The following DISP1 variants were observed in gnomAD, a reference collection of about 807,000 sequenced individuals.
DISP1 encodes the protein dispatched RND transporter family member 1, also known as protein dispatched homolog 1.
Under a neutral mutation model 37.3 loss-of-function variants are expected in DISP1, and 30 were observed. That is an observed-to-expected ratio of 0.80 (90% confidence interval 0.60 to 1.09). DISP1 has a LOEUF of 1.09. Among genes scored for constraint, DISP1 ranks in the 50% least tolerant of loss-of-function variants. The probability of loss-of-function intolerance (pLI) is 0.00; values close to 1 mark genes in which losing one functional copy is unlikely to be tolerated. For synonymous variants in DISP1, 634 were observed against 690.2 expected, an observed-to-expected ratio of 0.92 and a Z score of 1.28; for missense variants, 1,598 against 1,879.5, an observed-to-expected ratio of 0.85 and a Z score of 2.77.
intron 1 of DISP1, among the ~76,000 whole-genome samples, chr1:222,922,751 G>A (rs959177645): frequency 1.3e-5 from 2 of 152,124 alleles, no homozygotes; most frequent in African/African-American, 2.4e-5. Flanking sequence ...AATATAGGCA[G>A]GAGACATAAA....
At chr1:222,970,837 G>T (rs1676887856) in intron 3 of DISP1, among the ~76,000 whole-genome samples, 1 of 151,256 alleles carries the variant, frequency 6.6e-6, no homozygotes, top group Non-Finnish European at 1.5e-5. Flanking sequence ...AATAGATTCT[G>T]GAGTTGCAAA....
chr1:222,940,970 G>A (rs977961373), intron 2 of DISP1, among the ~76,000 whole-genome samples: 6 of 152,142 alleles, frequency 3.9e-5, no homozygotes, highest in Middle Eastern at 3.4e-3. Flanking sequence ...TTTAAAAAAC[G>A]TCCAGTGCTT....
intron 3 of DISP1, among the ~76,000 whole-genome samples, chr1:222,956,232 A>G (rs1302832599): frequency 6.6e-6 from 1 of 152,152 alleles, no homozygotes; most frequent in African/African-American, 2.4e-5. Flanking sequence ...TGACACTGAA[A>G]GTTTCCCTTT....
In DISP1 at chr1:222,913,939, T is replaced by TAA. The variant is rs34772615; in HGVS notation, c.-158-14481_-158-14480dup. ...TCATCTTTTTCAAATACATTCTAAA[T>TAA]AAAAAAAAAAATGGGTAGGATCTGC... On this transcript the variant is annotated intron_variant, in intron 1 of 8. Transcript: ENST00000675850. Among the ~76,000 whole-genome samples the TAA allele has an allele frequency of 2.3e-3, 326 of 143,078 alleles. 4 individuals are homozygous for TAA. The highest frequency in any genetic ancestry group is 3.3e-3 in the Non-Finnish European group (218 of 65,526). 93.9% of individuals were successfully genotyped at this position (143,078 alleles called of 152,430 possible).
At chr1:222,951,107 A>G (rs1410380868) in intron 3 of DISP1, among the ~76,000 whole-genome samples, 1 of 152,174 alleles carries the variant, frequency 6.6e-6, no homozygotes, top group Non-Finnish European at 1.5e-5. Flanking sequence ...GTGACTCACT[A>G]GAGGAATTAG....
intron 3 of DISP1, chr1:222,943,669 A>G: frequency 2.9e-6 from 1 of 349,730 alleles, no homozygotes; most frequent in Non-Finnish European, 5.3e-6. Flanking sequence ...ATTTATGATG[A>G]GACTAAACAG....
At chr1:222,884,637 CA>C (rs747169004) in intron 1 of DISP1, among the ~76,000 whole-genome samples, 149 of 152,266 alleles carry the variant, frequency 9.8e-4, no homozygotes, top group Non-Finnish European at 1.8e-3. Flanking sequence ...TGCATCATAT[CA>C]GGGGTATATG....
intron 1 of DISP1, among the ~76,000 whole-genome samples, chr1:222,878,221 A>G (rs1042719205): frequency 2.6e-5 from 4 of 152,250 alleles, no homozygotes; most frequent in African/African-American, 9.6e-5. Context: ...CAGAGCAATT[A>G]GAGCTAGTAC....
Position 222,992,011 on chromosome 1 carries a change from A to G in DISP1, c.792-2A>G. 1 of 1,610,006 alleles carries G rather than the reference A, an allele frequency of 6.2e-7. No homozygotes were observed. Reference sequence around the variant, plus strand: ...GAAGATCAAATTGTCGTTCCATTTCAGCCATCGGGATGATAGATGGTCAGA... The same window carrying G: ...GAAGATCAAATTGTCGTTCCATTTCGGCCATCGGGATGATAGATGGTCAGA... On this transcript the variant is annotated splice_acceptor_variant, in intron 6 of 8. Transcript: ENST00000675850. LOFTEE classifies it high-confidence loss of function.
chr1:222,935,163 T>C (rs745972560), intron 2 of DISP1, among the ~76,000 whole-genome samples: 9 of 152,142 alleles, frequency 5.9e-5, no homozygotes, highest in Non-Finnish European at 5.9e-5. Context: ...ATCAAATCTT[T>C]ATTCTAACTG....
chr1:222,887,486 GTTTTT>G lies in DISP1; in HGVS notation c.-158-40925_-158-40921del, dbSNP rs940346379. ...AATTTATAAATGTCACATTGTTTTT[GTTTTT>G]TTTTTTTTTTTTTTTTTTGAGACGG... On this transcript the variant is annotated intron_variant, in intron 1 of 8. Coordinates refer to ENST00000675850, the MANE Select transcript of DISP1 (RefSeq NM_001377229.1). 2.2e-4 allele frequency among the ~76,000 whole-genome samples: 18 copies of G among 83,092 alleles called. 1 individual carries two copies. The highest frequency in any genetic ancestry group is 2.9e-4 in the Non-Finnish European group (13 of 44,170). 54.5% of individuals were successfully genotyped at this position (83,092 alleles called of 152,430 possible). A position where few individuals can be genotyped will look rare whatever the true frequency, so the allele number is the denominator to read the frequency against.
chr1:222,959,185 G>A (rs1675839562), intron 3 of DISP1, among the ~76,000 whole-genome samples: 1 of 152,094 alleles, frequency 6.6e-6, no homozygotes, highest in South Asian at 2.1e-4. Context: ...CTTGATTTGT[G>A]AACTGAACTT....
intron 1 of DISP1, among the ~76,000 whole-genome samples, chr1:222,833,206 T>C (rs1306650745): frequency 1.3e-5 from 2 of 151,268 alleles, no homozygotes; most frequent in African/African-American, 4.9e-5. Context: ...GGGATAGATA[T>C]CTGATTGTCT....
At chr1:222,994,213 G>A (rs1678897233) in intron 7 of DISP1, among the ~76,000 whole-genome samples, 1 of 152,110 alleles carries the variant, frequency 6.6e-6, no homozygotes, top group African/African-American at 2.4e-5. Flanking sequence ...GTTGCCTAAG[G>A]TCACGTAGCT....
chr1:222,970,744 T>A (rs909123431), intron 3 of DISP1, among the ~76,000 whole-genome samples: 13 of 152,192 alleles, frequency 8.5e-5, no homozygotes, highest in African/African-American at 2.9e-4. Context: ...TGATTTCTCA[T>A]TGCCGTCTTT....
At chr1:222,971,084 C>A (rs1487700698) in intron 3 of DISP1, among the ~76,000 whole-genome samples, 4 of 151,818 alleles carry the variant, frequency 2.6e-5, no homozygotes, top group Non-Finnish European at 5.9e-5. Context: ...CCTTCTAAAT[C>A]AGTATTATTT....
intron 1 of DISP1, among the ~76,000 whole-genome samples, chr1:222,911,810 G>A (rs529551942): frequency 3.9e-4 from 60 of 152,230 alleles, no homozygotes; most frequent in African/African-American, 1.4e-3. Context: ...AGAATTATTG[G>A]CATGAGCCAC....
rs932237191 is a variant in DISP1 at position 222,910,740 on chromosome 1, A to G, written c.-158-17690A>G. ...AATGACTTCTGAGTCAAAGCAGTCT[A>G]AACAGAGAAAAGGAAATTTAGGTGT... is the stretch of plus-strand genomic sequence containing the variant. On this transcript the variant is annotated intron_variant, in intron 1 of 8. Transcript: ENST00000675850. 1.6e-4 allele frequency among the ~76,000 whole-genome samples: 25 copies of G among 152,362 alleles called. 1 individual carries two copies. The highest frequency in any genetic ancestry group is 4.6e-4 in the Admixed American group (7 of 15,308).
At chr1:222,877,487 G>A (rs1670030969) in intron 1 of DISP1, among the ~76,000 whole-genome samples, 1 of 152,126 alleles carries the variant, frequency 6.6e-6, no homozygotes. Context: ...CTCCTACAGG[G>A]TCCCTCCCAC....
Sources: allele counts gnomAD v4.1 joint callset (sites outside exome capture counted in the v4.1 genomes callset), GRCh38; gene constraint gnomAD v4.1.1; transcripts MANE v1.5; gene names NCBI Gene and HGNC (gene_info 2026-07-23, HGNC 2026-07-21).